The following MAST1 variants were observed in gnomAD, a reference collection of about 807,000 sequenced individuals.
The protein encoded by MAST1 is microtubule-associated serine/threonine-protein kinase 1.
A neutral mutation model predicts 124.6 loss-of-function variants in MAST1; 40 were observed. That is an observed-to-expected ratio of 0.32 (90% CI 0.25 to 0.42). The LOEUF is 0.42. MAST1 is among the 10% of genes least tolerant of loss of function. The pLI is 1.00. For synonymous variants in MAST1, 938 were observed against 939.4 expected (o/e 1.00, Z 0.03); for missense variants, 1,558 against 2,181.9 (o/e 0.71, Z 5.70).
At position 12,873,455 on chromosome 19, in the gene MAST1, T is replaced by C; in HGVS notation, c.3395T>C (p.Leu1132Pro). 6.2e-7 allele frequency: 1 copy of C among 1,611,352 alleles called. No individual in the cohort carries two copies. Among genetic ancestry groups the C allele is most frequent in the Non-Finnish European group, 8.5e-7 (1 of 1,179,758 alleles). The change falls in exon 25 of 26, where the codon CTG (leucine) becomes CCG (proline). Residue 1132 changes from leucine to proline, a missense_variant. By Grantham distance (98) the Leu-to-Pro change is moderately conservative. This residue lies in a region of MAST1 where 291 missense variants were observed against 475.8 expected (regional missense o/e 0.61). Transcript: ENST00000251472. Reference protein sequence around the residue: ...DSLPGSPTHGLPARSPTHSYR... With the variant: ...DSLPGSPTHGPPARSPTHSYR... ...CTCCCGGGCTCGCCTACGCACGGGCTGCCGGCGCGCTCGCCCACGCACAGC... is the reference window on the plus strand; with the variant it reads ...CTCCCGGGCTCGCCTACGCACGGGCCGCCGGCGCGCTCGCCCACGCACAGC...
At chr19:12,858,298 G>C in intron 10 of MAST1, 64 bp from the exon 11 acceptor site, 1 of 1,388,592 alleles carries the variant, frequency 7.2e-7, no homozygotes, top group Non-Finnish European at 1.0e-6. Flanking sequence ...TGTGTAAAAT[G>C]AAATTAAAAG....
rs769053659 is a variant in MAST1 at position 12,874,030 on chromosome 19, C to T, written c.3873C>T (p.His1291=). 1 of 1,605,746 alleles carries T rather than the reference C, an allele frequency of 6.2e-7. No homozygotes were observed. The highest frequency in any genetic ancestry group is 1.1e-5 in the South Asian group (1 of 90,244). ...GCAAACACAGCCTCGAGGTGGGCCA[C>T]CCGGATTTCCGCAAGGACTTCCATG... The part of the protein sequence containing the change: ...ALRKHSLEVG[H]PDFRKDFHGE... The change falls in exon 26 of 26, where the codon CAC becomes CAT. Residue 1291 remains histidine, a synonymous_variant. Coordinates refer to ENST00000251472, the MANE Select transcript of MAST1 (RefSeq NM_014975.3). This position sits in a 1 kb window ranked among gnomAD's most constrained non-coding sequence, Gnocchi z 6.6.
intron 9 of MAST1, 32 bp downstream of exon 9, chr19:12,852,279 G>A (rs1969971418): frequency 1.2e-6 from 2 of 1,614,062 alleles, no homozygotes; most frequent in South Asian, 1.1e-5. Flanking sequence ...GGGACTGGGG[G>A]TGAGCAGGCC....
In MAST1 at chr19:12,874,447, C is replaced by A; in HGVS notation, c.4290C>A (p.Gly1430=). The A allele has an allele frequency of 6.3e-7, 1 of 1,596,500 alleles. No individual in the cohort carries two copies. Among genetic ancestry groups the A allele is most frequent in the Non-Finnish European group, 8.5e-7 (1 of 1,178,128 alleles). The change falls in exon 26 of 26, where the codon GGC becomes GGA. Residue 1430 remains glycine, a synonymous_variant. Transcript: ENST00000251472. This position sits in a 1 kb window ranked among gnomAD's most constrained non-coding sequence, Gnocchi z 6.6. ...GGCGCAGCAGCTCTGGCGAGGCGGG[C>A]ACACCCCTGGTACCCATTGTCGTAG... The part of the protein sequence containing the change: ...TGRRSSSGEA[G]TPLVPIVVEP...
chr19:12,842,503 T>C (rs1008270602), intron 3 of MAST1, among the ~76,000 whole-genome samples: 3 of 152,012 alleles, frequency 2.0e-5, no homozygotes, highest in African/African-American at 7.2e-5. Flanking sequence ...AGGTTGGTCA[T>C]GCTGGTCTCG....
chr19:12,839,202 G>A (rs140628839), intron 1 of MAST1, among the ~76,000 whole-genome samples: 12 of 149,444 alleles, frequency 8.0e-5, no homozygotes, highest in Non-Finnish European at 1.6e-4. Flanking sequence ...GACACACAGC[G>A]TCACACAGGA....
rs1327648159 is a variant in MAST1, at chr19:12,870,890, A to C, written c.3070A>C (p.Asn1024His). 6.2e-7 allele frequency: 1 copy of C among 1,613,856 alleles called. No individual in the cohort carries two copies. Among genetic ancestry groups the C allele is most frequent in the Admixed American group, 1.7e-5 (1 of 59,970 alleles). ...TGCTGGGGACCTCATCACCCACGTGAATGGGGAGCCTGTGCATGGCATGGT... is the reference window on the plus strand; with the variant it reads ...TGCTGGGGACCTCATCACCCACGTGCATGGGGAGCCTGTGCATGGCATGGT... Reference protein sequence around the residue: ...LCAGDLITHVNGEPVHGMVHP... With the variant: ...LCAGDLITHVHGEPVHGMVHP... The change falls in exon 23 of 26, where the codon AAT becomes CAT. Residue 1024 changes from asparagine (N) to histidine (H), a missense_variant. This residue lies in a region of MAST1 where 291 missense variants were observed against 475.8 expected (regional missense o/e 0.61). Coordinates refer to ENST00000251472, the MANE Select transcript of MAST1 (RefSeq NM_014975.3).
chr19:12,852,548 C>T (rs923084592), intron 10 of MAST1, among the ~76,000 whole-genome samples, 153 bp downstream of exon 10: 7 of 152,054 alleles, frequency 4.6e-5, no homozygotes, highest in Non-Finnish European at 7.4e-5. Flanking sequence ...TTAATAATAG[C>T]TCTTCCAGAG....
rs1193633802 is a variant in MAST1, at chr19:12,841,305, A to G, written c.248+239A>G. On this transcript the variant is annotated intron_variant, in intron 3 of 25. Coordinates refer to ENST00000251472, the MANE Select transcript of MAST1 (RefSeq NM_014975.3). This position sits in a 1 kb window ranked among gnomAD's most constrained non-coding sequence, Gnocchi z 4.3. ...GTGGGGCTCCCTTTGCGGCAGGTCGAAAGCGCGTGCGCCCTGGGCGCGGGG... is the reference window on the plus strand; with the variant it reads ...GTGGGGCTCCCTTTGCGGCAGGTCGGAAGCGCGTGCGCCCTGGGCGCGGGG... Among the ~76,000 whole-genome samples the G allele has an allele frequency of 6.6e-6, 1 of 152,258 alleles. No individual in the cohort carries two copies. Among genetic ancestry groups the G allele is most frequent in the Non-Finnish European group, 1.5e-5 (1 of 68,040 alleles).
In MAST1 at chr19:12,843,437, C is replaced by T; in HGVS notation, c.249-92C>T. On this transcript the variant is annotated intron_variant, in intron 3 of 25. Transcript: ENST00000251472. The surrounding 1 kb of genome is among the most constrained non-coding windows in gnomAD (Gnocchi z 4.9). ...TGCAGATATATTCCCCCAACCCCCACCCTGGCCCTGGCCAGTGGCTTCACC... is the reference window on the plus strand; with the variant it reads ...TGCAGATATATTCCCCCAACCCCCATCCTGGCCCTGGCCAGTGGCTTCACC... The T allele has an allele frequency of 1.1e-6, 1 of 931,694 alleles. No individual in the cohort carries two copies. The highest frequency in any genetic ancestry group is 1.7e-6 in the Non-Finnish European group (1 of 587,486). The allele number at this position is 931,694 out of a possible 1,614,324, so 57.7% of individuals were successfully genotyped here. A position where few individuals can be genotyped will look rare whatever the true frequency, so the allele number is the denominator to read the frequency against.
At chr19:12,855,357 C>T (rs1478461481) in intron 10 of MAST1, among the ~76,000 whole-genome samples, 1 of 152,144 alleles carries the variant, frequency 6.6e-6, no homozygotes, top group Non-Finnish European at 1.5e-5. Context: ...TGTAGTGGCT[C>T]ATGCCTGTAG....
At chr19:12,860,318 G>A (rs779086349) in intron 12 of MAST1, among the ~76,000 whole-genome samples, 7 of 151,572 alleles carry the variant, frequency 4.6e-5, no homozygotes, top group East Asian at 1.9e-4. Context: ...GGGTTTCACC[G>A]TGTTGGCCAG....
chr19:12,849,889 T>C (rs8099965), intron 7 of MAST1, among the ~76,000 whole-genome samples: 60,530 of 151,352 alleles, frequency 0.4, 14,044 homozygotes, highest in East Asian at 0.63. Context: ...CCTCCACCTC[T>C]CAGGTTCAAG....
In MAST1 at chr19:12,874,665, T is replaced by C; in HGVS notation, c.4508T>C (p.Leu1503Pro). Residue 1503 changes from leucine to proline, a missense_variant, in exon 26 of 26, where the codon CTC becomes CCC. Transcript: ENST00000251472. The surrounding 1 kb of genome is among the most constrained non-coding windows in gnomAD (Gnocchi z 6.6). ...GPRSKPASPK[L>P]SPEPQTPSLA... The stretch of plus-strand genomic sequence containing the variant: ...CGCTCCAAGCCCGCCTCCCCAAAGC[T>C]CTCCCCGGAGCCCCAGACACCCTCC... 1 of 1,536,760 alleles carries C rather than the reference T, an allele frequency of 6.5e-7. No homozygotes were observed. Among genetic ancestry groups the C allele is most frequent in the South Asian group, 1.3e-5 (1 of 79,702 alleles).
Position 12,869,200 on chromosome 19 carries a change from A to G in MAST1, c.2908A>G (p.Ile970Val). ...AVSGLRSPIT[I>V]QRSGKKYGFT... is the part of the protein sequence containing the mutation. ...CAGTGGGCTCCGCTCCCCCATCACC[A>G]TCCAGCGCTCGGGCAAGAAGTATGG... Residue 970 changes from isoleucine (I) to valine (V), a missense_variant, in exon 22 of 26, where the codon ATC becomes GTC. Ile to Val is a conservative substitution (Grantham distance 29). Around this residue, in one of 10 missense-constraint regions of MAST1, gnomAD observed 291 missense variants for 475.8 expected, o/e 0.61. Transcript: ENST00000251472. 3.1e-6 allele frequency: 5 copies of G among 1,614,062 alleles called. No individual in the cohort carries two copies. The highest frequency in any genetic ancestry group is 3.4e-6 in the Non-Finnish European group (4 of 1,179,994).
rs1483407660 is a variant in MAST1, at chr19:12,873,846, A to G, written c.3689A>G (p.His1230Arg). The G allele has an allele frequency of 1.3e-6, 2 of 1,588,110 alleles. No homozygotes were observed. Among genetic ancestry groups the G allele is most frequent in the Admixed American group, 1.7e-5 (1 of 57,738 alleles). Reference sequence around the variant, plus strand: ...CCGGGCCACACGGTGGGCAGCTCGCACACTACTCAGAGCTTCCCGGCCAAA... The same window carrying G: ...CCGGGCCACACGGTGGGCAGCTCGCGCACTACTCAGAGCTTCCCGGCCAAA... ...PLPGHTVGSS[H>R]TTQSFPAKLH... Residue 1230 changes from histidine to arginine, a missense_variant, in exon 26 of 26, where the codon CAC becomes CGC. By Grantham distance (29) the His-to-Arg change is conservative (BLOSUM62 0). Coordinates refer to ENST00000251472, the MANE Select transcript of MAST1 (RefSeq NM_014975.3).
chr19:12,868,601 T>C lies in MAST1; in HGVS notation c.2567-42T>C, dbSNP rs377580929. ...AGGGAAACAGTATGTGGGAAATCCC[T>C]GGCCTTGGACTAATTCCTAACACAC... On this transcript the variant is annotated intron_variant, in intron 20 of 25. Transcript: ENST00000251472. The C allele has an allele frequency of 5.3e-6, 8 of 1,499,738 alleles. No individual in the cohort carries two copies. The African/African-American group carries it at 1.1e-4, about 21-fold the overall frequency. 92.9% of individuals were successfully genotyped at this position (1,499,738 alleles called of 1,614,324 possible).
chr19:12,865,599 C>T lies in MAST1; in HGVS notation c.1804+118C>T, dbSNP rs552658340. 356 of 1,471,666 alleles carry T rather than the reference C, an allele frequency of 2.4e-4. No homozygotes were observed. Among genetic ancestry groups the T allele is most frequent in the Admixed American group, 7.7e-4 (38 of 49,624 alleles). The allele number at this position is 1,471,666 out of a possible 1,614,324, so 91.2% of individuals were successfully genotyped here. A position where few individuals can be genotyped will look rare whatever the true frequency, so the allele number is the denominator to read the frequency against. On this transcript the variant is annotated intron_variant, in intron 15 of 25. Coordinates refer to ENST00000251472, the MANE Select transcript of MAST1 (RefSeq NM_014975.3). This position sits in a 1 kb window ranked among gnomAD's most constrained non-coding sequence, Gnocchi z 7.1. ...AGAGGATCGCTTGCACTCAGGAGGT[C>T]AAGGCTGCAGTGAGCCATGATCGTG...
intron 12 of MAST1, among the ~76,000 whole-genome samples, chr19:12,862,921 C>T (rs1970102518): frequency 6.6e-6 from 1 of 151,888 alleles, no homozygotes; most frequent in African/African-American, 2.4e-5. Flanking sequence ...CCTGCCTCGG[C>T]TTCCCAAAGT....
Sources: allele counts gnomAD v4.1 joint callset (sites outside exome capture counted in the v4.1 genomes callset), GRCh38; gene constraint gnomAD v4.1.1; regional missense constraint gnomAD v4.1.1; non-coding constraint Gnocchi (gnomAD v3.1); transcripts MANE v1.5; gene names NCBI Gene and HGNC (gene_info 2026-07-23, HGNC 2026-07-21).